Variants in RYR3 observed in about 807,000 individuals in gnomAD.
RYR3 encodes ryanodine receptor 3.
Under a neutral mutation model 584.3 loss-of-function variants are expected in RYR3, and 207 were observed. That is an observed-to-expected ratio of 0.35 (90% CI 0.32 to 0.40). RYR3 has a LOEUF of 0.40. Ranked by LOEUF, RYR3 falls within the 10% of genes least tolerant of loss-of-function variation. The pLI is 1.00. For synonymous variants in RYR3, 2,416 were observed against 2,248.5 expected (o/e 1.07, Z -2.11); for missense variants, 5,616 against 6,089.2 (o/e 0.92, Z 2.59).
At chr15:33,636,635 T>C in intron 27 of RYR3, 85 bp downstream of exon 27, 1 of 1,208,824 alleles carries the variant, frequency 8.3e-7, no homozygotes, top group Non-Finnish European at 1.2e-6. Context: ...TCTACTTCCT[T>C]ATTCGGTCTA....
chr15:33,662,671 T>G lies in RYR3; in HGVS notation c.5141T>G (p.Val1714Gly). ...AGCGGGGCCCACATCCGAGACCCTG[T>G]AGGGGGGTCTGTGGAGTTCCAGTTT... Reference protein sequence around the residue: ...QCSGAHIRDPVGGSVEFQFVP... With the variant: ...QCSGAHIRDPGGGSVEFQFVP... The change falls in exon 35 of 104, where the codon GTA becomes GGA. Residue 1714 changes from valine (V) to glycine (G), a missense_variant. Physicochemically the swap from Val to Gly is moderately radical, Grantham distance 109. Coordinates refer to ENST00000634891, the MANE Select transcript of RYR3 (RefSeq NM_001036.6). 1 of 1,614,104 alleles carries G rather than the reference T, an allele frequency of 6.2e-7. No individual in the cohort carries two copies. Among genetic ancestry groups the G allele is most frequent in the Non-Finnish European group, 8.5e-7 (1 of 1,179,964 alleles).
intron 1 of RYR3, among the ~76,000 whole-genome samples, chr15:33,330,045 G>A (rs761470147): frequency 6.6e-6 from 1 of 152,080 alleles, no homozygotes. Context: ...CCCAGGCCTA[G>A]GGCACTCTGG....
Position 33,820,579 on chromosome 15 carries a change from A to G in RYR3, c.10759-177A>G, listed in dbSNP as rs191861882. The G allele has an allele frequency of 1.6e-4, 95 of 578,254 alleles. 2 individuals are homozygous for G. In the Admixed American group the frequency reaches 2.4e-3, roughly 14 times the overall value. The allele number at this position is 578,254 out of a possible 1,614,324, so 35.8% of individuals were successfully genotyped here. ...ACTCTATGGTAACTGCGAAGATGGC[A>G]TTTACAGGAGAAATGTTGCCCAGCA... is the stretch of plus-strand genomic sequence containing the variant. On this transcript the variant is annotated intron_variant, in intron 77 of 103. Coordinates refer to ENST00000634891, the MANE Select transcript of RYR3 (RefSeq NM_001036.6).
At chr15:33,337,876 A>G (rs1001017792) in intron 1 of RYR3, among the ~76,000 whole-genome samples, 1 of 151,344 alleles carries the variant, frequency 6.6e-6, no homozygotes, top group African/African-American at 2.4e-5. Context: ...GAAGGTGTGT[A>G]CATTATACAT....
chr15:33,848,456 T>G (rs557983798), intron 94 of RYR3, 35 bp downstream of exon 94: 1 of 1,591,868 alleles, frequency 6.3e-7, no homozygotes, highest in Admixed American at 1.9e-5. Context: ...AAAAAGGAGA[T>G]GGAGTCTCTA....
Position 33,649,254 on chromosome 15 carries a change from G to C in RYR3, c.4142+19G>C, listed in dbSNP as rs779687706. Reference sequence around the variant, plus strand: ...ATGAAAGGTAAGGGGGCTCCCAAGTGGCAGGGTTAGCCATCGGGCTTCTCA... The same window carrying C: ...ATGAAAGGTAAGGGGGCTCCCAAGTCGCAGGGTTAGCCATCGGGCTTCTCA... On this transcript the variant is annotated intron_variant, in intron 31 of 103. Coordinates refer to ENST00000634891, the MANE Select transcript of RYR3 (RefSeq NM_001036.6). 3 of 1,604,696 alleles carry C rather than the reference G, an allele frequency of 1.9e-6. No individual in the cohort carries two copies. The Admixed American group carries it at 5.0e-5, about 27-fold the overall frequency.
rs367814938 is a variant in RYR3 at position 33,598,633 on chromosome 15, C to CAA, written c.1789-2775_1789-2774dup. ...GCTGTCTGCCAGCCTAGAAGCAGGA[C>CAA]AAAAAAAAAAAACTCATCTTCCCTG... On this transcript the variant is annotated intron_variant, in intron 16 of 103. Coordinates refer to ENST00000634891, the MANE Select transcript of RYR3 (RefSeq NM_001036.6). Among the ~76,000 whole-genome samples the CAA allele has an allele frequency of 5.9e-4, 77 of 130,462 alleles. 1 individual carries two copies. In the South Asian group the frequency reaches 7.1e-3, roughly 12 times the overall value. 85.6% of individuals were successfully genotyped at this position (130,462 alleles called of 152,430 possible). A position where few individuals can be genotyped will look rare whatever the true frequency, so the allele number is the denominator to read the frequency against.
chr15:33,656,984 G>T (rs536649709), intron 32 of RYR3, among the ~76,000 whole-genome samples: 1 of 151,386 alleles, frequency 6.6e-6, no homozygotes, highest in Admixed American at 6.5e-5. Flanking sequence ...GCCTTTTGCC[G>T]TGCAACATAG....
chr15:33,438,407 G>A (rs1281951550), intron 1 of RYR3, among the ~76,000 whole-genome samples: 56 of 152,004 alleles, frequency 3.7e-4, no homozygotes, highest in Non-Finnish European at 1.0e-4. Context: ...GTGAGATTAT[G>A]CAGTATTTGT....
At chr15:33,864,866 G>C (rs1045773485) in intron 103 of RYR3, 4 of 416,924 alleles carry the variant, frequency 9.6e-6, no homozygotes, top group African/African-American at 4.0e-5. Context: ...AGTATGTTTA[G>C]TGGCAAACAT....
chr15:33,397,127 A>T (rs981182360), intron 1 of RYR3, among the ~76,000 whole-genome samples: 7 of 152,200 alleles, frequency 4.6e-5, no homozygotes, highest in Non-Finnish European at 1.0e-4. Context: ...GAAGAAAGAA[A>T]ATTTATTTCT....
chr15:33,508,834 T>C lies in RYR3; in HGVS notation c.279+5096T>C, dbSNP rs1017072683. Among the ~76,000 whole-genome samples, 3 of 152,196 alleles carry C rather than the reference T, an allele frequency of 2.0e-5. No homozygotes were observed. In the East Asian group the frequency reaches 5.8e-4, roughly 29 times the overall value. On this transcript the variant is annotated intron_variant, in intron 3 of 103. Coordinates refer to ENST00000634891, the MANE Select transcript of RYR3 (RefSeq NM_001036.6). ...GGCTCCTTTGATTTATTCTTGTCTT[T>C]ACAGTAGGGAATACCACACACAGCA...
Position 33,831,094 on chromosome 15 carries a change from A to T in RYR3, c.11463+3A>T, listed in dbSNP as rs1460058096. 5 of 1,612,562 alleles carry T rather than the reference A, an allele frequency of 3.1e-6. No individual in the cohort carries two copies. The highest frequency in any genetic ancestry group is 4.2e-6 in the Non-Finnish European group (5 of 1,179,652). On this transcript the variant is annotated splice_donor_region_variant and intron_variant, in intron 86 of 103. Transcript: ENST00000634891. ...ATTCTCTTACAGAATACATCCAGGT[A>T]TGTGCTACAGAGTGCATGGTTGAAA...
At chr15:33,478,915 C>T (rs1355105754) in intron 2 of RYR3, among the ~76,000 whole-genome samples, 1 of 152,050 alleles carries the variant, frequency 6.6e-6, no homozygotes, top group Admixed American at 6.5e-5. Context: ...AACAATTTAC[C>T]TTAGTGCCCT....
chr15:33,504,367 C>T (rs1302202639), intron 3 of RYR3, among the ~76,000 whole-genome samples: 2 of 152,186 alleles, frequency 1.3e-5, no homozygotes, highest in African/African-American at 4.8e-5. Context: ...CTTCCCTTTC[C>T]TAATGGCTCA....
intron 1 of RYR3, among the ~76,000 whole-genome samples, chr15:33,338,853 T>G (rs1321449908): frequency 6.6e-6 from 1 of 152,136 alleles, no homozygotes; most frequent in Non-Finnish European, 1.5e-5. Context: ...AAAAAGTCCT[T>G]GAAAAATACA....
intron 1 of RYR3, among the ~76,000 whole-genome samples, chr15:33,358,183 A>G (rs547609276): frequency 4.6e-5 from 7 of 152,284 alleles, no homozygotes; most frequent in Admixed American, 1.3e-4. Context: ...CCTCCTTGGT[A>G]AAGTGAGGAT....
chr15:33,643,112 G>A (rs1030724492), intron 27 of RYR3, among the ~76,000 whole-genome samples: 2 of 152,170 alleles, frequency 1.3e-5, no homozygotes, highest in Non-Finnish European at 2.9e-5. Context: ...AGTTTTTACT[G>A]TTAGATGTAA....
chr15:33,840,181 G>T (rs532284850), intron 89 of RYR3, among the ~76,000 whole-genome samples: 1 of 152,310 alleles, frequency 6.6e-6, no homozygotes, highest in African/African-American at 2.4e-5. Flanking sequence ...CTGACGAGCA[G>T]CAGGCACGTG....
Sources: allele counts gnomAD v4.1 joint callset (sites outside exome capture counted in the v4.1 genomes callset), GRCh38; gene constraint gnomAD v4.1.1; transcripts MANE v1.5; gene names NCBI Gene and HGNC (gene_info 2026-07-23, HGNC 2026-07-21).